The following LHFPL2 variants were observed in gnomAD, a reference collection of about 807,000 sequenced individuals.
The protein encoded by LHFPL2 is LHFPL tetraspan subfamily member 2 protein.
Under a neutral mutation model 17.5 loss-of-function variants are expected in LHFPL2, and 7 were observed. That is an observed-to-expected ratio of 0.40 (90% CI 0.23 to 0.75). LHFPL2 has a LOEUF of 0.75. Among genes scored for constraint, LHFPL2 ranks in the 30% least tolerant of loss-of-function variants. LHFPL2 has a pLI of 0.37. For missense variants in LHFPL2, 241 were observed against 294.8 expected (o/e 0.82, Z 1.34); for synonymous variants, 134 against 116.2 (o/e 1.15, Z -0.99).
At chr5:78,507,766 G>A (rs1387722518) in intron 4 of LHFPL2, among the ~76,000 whole-genome samples, 1 of 152,154 alleles carries the variant, frequency 6.6e-6, no homozygotes, top group African/African-American at 2.4e-5. Context: ...CATCAAGGAT[G>A]TGCAAATACA....
chr5:78,637,026 A>G (rs1745473569), intron 1 of LHFPL2, among the ~76,000 whole-genome samples: 1 of 152,136 alleles, frequency 6.6e-6, no homozygotes, highest in Admixed American at 6.6e-5. Context: ...ACAGGTTTCT[A>G]AACTGATACT....
chr5:78,645,827 C>T (rs1329078575), intron 1 of LHFPL2, among the ~76,000 whole-genome samples: 1 of 152,138 alleles, frequency 6.6e-6, no homozygotes, highest in Non-Finnish European at 1.5e-5. Flanking sequence ...GTGATCCACC[C>T]ACCTCAGCCC....
chr5:78,516,897 C>T (rs1055791966), intron 3 of LHFPL2, among the ~76,000 whole-genome samples: 2 of 152,134 alleles, frequency 1.3e-5, no homozygotes, highest in Non-Finnish European at 2.9e-5. Context: ...CTCTATTCTG[C>T]GAATGGCAAA....
chr5:78,605,651 A>G (rs1248204530), intron 2 of LHFPL2, among the ~76,000 whole-genome samples: 1 of 152,186 alleles, frequency 6.6e-6, no homozygotes, highest in Non-Finnish European at 1.5e-5. Flanking sequence ...TTAAAGTGTC[A>G]ATTTTAATTA....
intron 2 of LHFPL2, among the ~76,000 whole-genome samples, chr5:78,622,379 C>T (rs895421815): frequency 1.6e-4 from 25 of 152,220 alleles, no homozygotes; most frequent in African/African-American, 5.8e-4. Context: ...GTATGCCTTA[C>T]ATAGGTTCCC....
chr5:78,506,344 G>T (rs1754929953), intron 4 of LHFPL2, among the ~76,000 whole-genome samples: 1 of 152,192 alleles, frequency 6.6e-6, no homozygotes, highest in Non-Finnish European at 1.5e-5. Context: ...AATGTAAGTT[G>T]TAAGAACAAA....
intron 3 of LHFPL2, among the ~76,000 whole-genome samples, chr5:78,547,666 CA>C (rs200894390): frequency 1.9e-4 from 29 of 148,824 alleles, no homozygotes; most frequent in African/African-American, 3.4e-4. Flanking sequence ...TTAACAGGGA[CA>C]AAAAAAAAAT....
chr5:78,488,867 A>G lies in LHFPL2; in HGVS notation c.*30T>C. 1 of 1,609,656 alleles carries G rather than the reference A, an allele frequency of 6.2e-7. No homozygotes were observed. The highest frequency in any genetic ancestry group is 8.5e-7 in the Non-Finnish European group (1 of 1,177,844). On this transcript the variant is annotated 3_prime_UTR_variant, in exon 5 of 5. Transcript: ENST00000380345. ...TGTGGACTGTTTCACAAGATTACTC[A>G]AGGGAGAAAATGGCATTGTCTCTTC...
At chr5:78,611,159 G>A (rs1744411133) in intron 2 of LHFPL2, among the ~76,000 whole-genome samples, 1 of 152,182 alleles carries the variant, frequency 6.6e-6, no homozygotes, top group African/African-American at 2.4e-5. Flanking sequence ...CTAAGCAAGG[G>A]CTAAGAGTCC....
At chr5:78,561,677 T>C (rs912990839) in intron 3 of LHFPL2, among the ~76,000 whole-genome samples, 6 of 152,202 alleles carry the variant, frequency 3.9e-5, no homozygotes, top group African/African-American at 1.2e-4. Context: ...TATGTCCTAG[T>C]GAATTTACGA....
chr5:78,584,892 G>A (rs998652331), intron 2 of LHFPL2, among the ~76,000 whole-genome samples: 3 of 151,644 alleles, frequency 2.0e-5, no homozygotes, highest in African/African-American at 4.8e-5. Context: ...CCTCGCTGCC[G>A]CCTTGCAGTT....
rs150365701 is a variant in LHFPL2 at position 78,570,889 on chromosome 5, G to C, written c.-244-6018C>G. On this transcript the variant is annotated intron_variant, in intron 2 of 4. Transcript: ENST00000380345. The stretch of plus-strand genomic sequence containing the variant: ...CTGTAAGTGCTGACAAGCGCTTTCT[G>C]TGCCTGACAGTTCTTAGTGGTCTGC... 2.0e-3 allele frequency among the ~76,000 whole-genome samples: 300 copies of C among 152,114 alleles called. 1 individual carries two copies. The highest frequency in any genetic ancestry group is 6.7e-3 in the African/African-American group (279 of 41,446).
intron 3 of LHFPL2, 65 bp from the exon 4 acceptor site, chr5:78,510,463 G>T: frequency 2.0e-6 from 1 of 512,360 alleles, no homozygotes; most frequent in Non-Finnish European, 3.5e-6. Context: ...GCCGCGCAGC[G>T]ACACCGTCCA....
intron 3 of LHFPL2, among the ~76,000 whole-genome samples, chr5:78,551,456 G>A (rs1170968856): frequency 6.6e-6 from 1 of 152,126 alleles, no homozygotes; most frequent in Admixed American, 6.5e-5. Context: ...GTTTGTATCT[G>A]GGGGCCACTT....
At position 78,489,156 on chromosome 5, in the gene LHFPL2, G is replaced by A; in HGVS notation, c.431-3C>T. ...CAAACCGAGGATAAGGAATAGACCT[G>A]CAGAACAAAAGAGAAAACAGATTAG... On this transcript the variant is annotated splice_region_variant and splice_polypyrimidine_tract_variant and intron_variant, in intron 4 of 4. Transcript: ENST00000380345. 4 of 1,613,828 alleles carry A rather than the reference G, an allele frequency of 2.5e-6. No individual in the cohort carries two copies. Among genetic ancestry groups the A allele is most frequent in the Non-Finnish European group, 3.4e-6 (4 of 1,179,810 alleles).
intron 3 of LHFPL2, among the ~76,000 whole-genome samples, chr5:78,533,131 G>A (rs1162253938): frequency 6.6e-6 from 1 of 152,150 alleles, no homozygotes; most frequent in East Asian, 1.9e-4. Context: ...CTCTACGGGG[G>A]TGAAAACTAA....
chr5:78,506,560 A>C (rs879344347), intron 4 of LHFPL2, among the ~76,000 whole-genome samples: 1 of 152,244 alleles, frequency 6.6e-6, no homozygotes, highest in Non-Finnish European at 1.5e-5. Context: ...GGGAGAAAGC[A>C]AGCCAGCCCT....
intron 3 of LHFPL2, among the ~76,000 whole-genome samples, chr5:78,536,397 C>T (rs1755952211): frequency 6.6e-6 from 1 of 152,198 alleles, no homozygotes; most frequent in South Asian, 2.1e-4. Flanking sequence ...CTCATAGAAC[C>T]AACACAAGTT....
intron 1 of LHFPL2, among the ~76,000 whole-genome samples, chr5:78,640,473 G>A (rs1398737649): frequency 6.6e-6 from 1 of 152,148 alleles, no homozygotes; most frequent in Non-Finnish European, 1.5e-5. Context: ...GAGTAGGAAC[G>A]TCAGTTCTGT....
Sources: allele counts gnomAD v4.1 joint callset (sites outside exome capture counted in the v4.1 genomes callset), GRCh38; gene constraint gnomAD v4.1.1; transcripts MANE v1.5; gene names NCBI Gene and HGNC (gene_info 2026-07-23, HGNC 2026-07-21).